The following TNFSF4 variants were observed in gnomAD, a reference collection of about 807,000 sequenced individuals.
TNFSF4 encodes the protein tumor necrosis factor ligand superfamily member 4.
Under a neutral mutation model 7.3 loss-of-function variants are expected in TNFSF4, and 4 were observed. That is an observed-to-expected ratio of 0.55 (90% CI 0.27 to 1.25). TNFSF4 has a LOEUF of 1.25. TNFSF4 is among the 50% of genes most tolerant of loss of function. The pLI, the probability that TNFSF4 is intolerant of heterozygous loss-of-function variation, is 0.12. For synonymous variants in TNFSF4, 76 were observed against 83.7 expected (o/e 0.91, Z 0.50); for missense variants, 181 against 208.8 (o/e 0.87, Z 0.82).
the TNFSF4 span, among the ~76,000 whole-genome samples, chr1:173,333,627 C>CT: frequency 6.6e-6 from 1 of 152,108 alleles, no homozygotes; most frequent in Admixed American, 6.6e-5. Context: ...CCTCCAACTC[C>CT]TGAGGACACA....
the TNFSF4 span, among the ~76,000 whole-genome samples, chr1:173,415,616 C>T: frequency 6.6e-6 from 1 of 152,212 alleles, no homozygotes; most frequent in African/African-American, 2.4e-5. Context: ...ATTATCCTGG[C>T]CCTGACTTTG....
the TNFSF4 span, among the ~76,000 whole-genome samples, chr1:173,377,414 G>C: frequency 2.0e-5 from 3 of 152,222 alleles, no homozygotes; most frequent in South Asian, 2.1e-4. Flanking sequence ...CTGAGCCAAG[G>C]GTCGACAGAG....
At chr1:173,447,164 A>G in the TNFSF4 span, among the ~76,000 whole-genome samples, 1 of 152,226 alleles carries the variant, frequency 6.6e-6, no homozygotes, top group African/African-American at 2.4e-5. Flanking sequence ...GATTCCTACT[A>G]TGCGATATTC....
the TNFSF4 span, among the ~76,000 whole-genome samples, chr1:173,271,081 C>G: frequency 2.0e-5 from 3 of 152,038 alleles, no homozygotes; most frequent in Non-Finnish European, 4.4e-5. Context: ...AATTTTCTAC[C>G]ATTCTGTAGG....
At chr1:173,449,438 C>T in the TNFSF4 span, among the ~76,000 whole-genome samples, 1 of 151,792 alleles carries the variant, frequency 6.6e-6, no homozygotes, top group Admixed American at 6.6e-5. Context: ...ATTGCAACCT[C>T]CATCTTCCTG....
chr1:173,196,679 C>A (rs1006249902), intron 1 of TNFSF4, among the ~76,000 whole-genome samples: 5 of 152,152 alleles, frequency 3.3e-5, no homozygotes, highest in African/African-American at 1.2e-4. Flanking sequence ...GGTAAACAAT[C>A]AAATCAACCA....
At chr1:173,398,455 C>T in the TNFSF4 span, among the ~76,000 whole-genome samples, 117 of 130,376 alleles carry the variant, frequency 9.0e-4, no homozygotes, top group Admixed American at 1.6e-3. Context: ...GACAGAGTCT[C>T]GCTCTGTCAC....
chr1:173,272,773 A>G, the TNFSF4 span, among the ~76,000 whole-genome samples: 2 of 152,140 alleles, frequency 1.3e-5, no homozygotes, highest in African/African-American at 4.8e-5. Flanking sequence ...GACCACTTCC[A>G]CTTCTCGAAA....
At chr1:173,262,910 T>G in the TNFSF4 span, among the ~76,000 whole-genome samples, 2 of 152,114 alleles carry the variant, frequency 1.3e-5, no homozygotes, top group Non-Finnish European at 2.9e-5. Context: ...CCCAAAAGAT[T>G]CTTAAGCTGA....
chr1:173,347,058 G>A, the TNFSF4 span, among the ~76,000 whole-genome samples: 1 of 152,158 alleles, frequency 6.6e-6, no homozygotes, highest in African/African-American at 2.4e-5. Context: ...TTATCCAGAG[G>A]AAAAATAAGT....
chr1:173,429,703 G>C, the TNFSF4 span, among the ~76,000 whole-genome samples: 1 of 152,238 alleles, frequency 6.6e-6, no homozygotes, highest in Non-Finnish European at 1.5e-5. Flanking sequence ...AGAAGGGAGA[G>C]AGGAAGTTGA....
Position 173,188,531 on chromosome 1 carries a change from T to C in TNFSF4, c.192A>G (p.Val64=), listed in dbSNP as rs149786415. The change falls in exon 2 of 3, where the codon GTA becomes GTG. Residue 64 remains valine, a synonymous_variant. Transcript: ENST00000281834. ...HRYPRIQSIK[V]QFTEYKKEKG... ...TTTGACAATACTTACCGGTAAATTG[T>C]ACTTTGATACTTTGAATTCGAGGAT... 10 of 1,611,218 alleles carry C rather than the reference T, an allele frequency of 6.2e-6. No individual in the cohort carries two copies. The highest frequency in any genetic ancestry group is 1.1e-5 in the South Asian group (1 of 90,844).
At chr1:173,316,247 AGTTT>A in the TNFSF4 span, among the ~76,000 whole-genome samples, 10,610 of 152,214 alleles carry the variant, frequency 0.07, 417 homozygotes, top group East Asian at 0.11. Context: ...TATATTAATT[AGTTT>A]AACTCTAATA....
At chr1:173,435,505 G>A in the TNFSF4 span, among the ~76,000 whole-genome samples, 1,327 of 152,218 alleles carry the variant, frequency 8.7e-3, 18 homozygotes, top group African/African-American at 0.03. Flanking sequence ...TCTCCCTGCC[G>A]CATGAGCACA....
chr1:173,247,409 AG>A, the TNFSF4 span, among the ~76,000 whole-genome samples: 2 of 152,176 alleles, frequency 1.3e-5, no homozygotes, highest in African/African-American at 4.8e-5. Context: ...GCTGAGTTTT[AG>A]TGAGTTTTTT....
the TNFSF4 span, among the ~76,000 whole-genome samples, chr1:173,378,552 G>T: frequency 6.6e-6 from 1 of 152,094 alleles, no homozygotes; most frequent in Non-Finnish European, 1.5e-5. Flanking sequence ...GCACTATGGC[G>T]TGGCCCCAAT....
the TNFSF4 span, among the ~76,000 whole-genome samples, chr1:173,368,109 AG>A: frequency 2.6e-5 from 4 of 152,318 alleles, no homozygotes; most frequent in South Asian, 8.3e-4. Flanking sequence ...AATCACAGGG[AG>A]GATTGAAAAA....
chr1:173,296,623 GA>G, the TNFSF4 span, among the ~76,000 whole-genome samples: 6 of 152,008 alleles, frequency 3.9e-5, no homozygotes, highest in African/African-American at 1.4e-4. Flanking sequence ...ACAAAAGAAG[GA>G]AAGACTACAG....
the TNFSF4 span, among the ~76,000 whole-genome samples, chr1:173,446,774 T>G: frequency 6.6e-6 from 1 of 152,212 alleles, no homozygotes; most frequent in Non-Finnish European, 1.5e-5. Flanking sequence ...TTTGGACTCT[T>G]GGACTTACAC....
Sources: allele counts gnomAD v4.1 joint callset (sites outside exome capture counted in the v4.1 genomes callset), GRCh38; gene constraint gnomAD v4.1.1; transcripts MANE v1.5; gene names NCBI Gene and HGNC (gene_info 2026-07-23, HGNC 2026-07-21).